The following ASAP1 variants were observed in gnomAD, a reference collection of about 807,000 sequenced individuals.
ASAP1 encodes the protein ArfGAP with SH3 domain, ankyrin repeat and PH domain 1.
Under a neutral mutation model 145.2 loss-of-function variants are expected in ASAP1, and 43 were observed. The ratio of observed to expected loss-of-function variants is 0.30; its 90% CI spans 0.23 to 0.38. ASAP1 has a LOEUF of 0.38. Among genes scored for constraint, ASAP1 ranks in the 10% least tolerant of loss-of-function variants. The pLI is 1.00. For missense variants in ASAP1, 1,018 were observed against 1,355.3 expected (o/e 0.75, Z 3.91); for synonymous variants, 546 against 515.5 (o/e 1.06, Z -0.80).
intron 2 of ASAP1, among the ~76,000 whole-genome samples, chr8:130,375,241 C>T (rs1326263960): frequency 2.0e-5 from 3 of 152,034 alleles, no homozygotes; most frequent in Non-Finnish European, 4.4e-5. Flanking sequence ...ATCCCCCAGG[C>T]GTTAGGAGGA....
intron 27 of ASAP1, among the ~76,000 whole-genome samples, chr8:130,071,011 G>GGAGAGAGAGA (rs1230151527): frequency 0.026 from 299 of 11,432 alleles, 53 homozygotes; most frequent in Admixed American, 0.05. Flanking sequence ...GGGGAGGGGG[G>GGAGAGAGAGA]GAGAGAGAGA....
intron 1 of ASAP1, among the ~76,000 whole-genome samples, chr8:130,436,122 A>G (rs1228564983): frequency 1.3e-5 from 2 of 152,220 alleles, no homozygotes; most frequent in African/African-American, 4.8e-5. Context: ...TGAAGATATA[A>G]AACACAAAAC....
intron 3 of ASAP1, among the ~76,000 whole-genome samples, chr8:130,305,774 A>C (rs1260016175): frequency 2.6e-5 from 4 of 152,198 alleles, no homozygotes; most frequent in Non-Finnish European, 5.9e-5. Context: ...CAGAAATAGA[A>C]AGTGATCTGA....
At chr8:130,296,323 T>C (rs980200586) in intron 3 of ASAP1, among the ~76,000 whole-genome samples, 1 of 152,202 alleles carries the variant, frequency 6.6e-6, no homozygotes, top group Non-Finnish European at 1.5e-5. Flanking sequence ...AGGACAGGTA[T>C]TCTCTGTTCA....
chr8:130,134,501 T>C (rs1480643053), intron 14 of ASAP1, among the ~76,000 whole-genome samples, 157 bp from the exon 15 acceptor site: 2 of 152,214 alleles, frequency 1.3e-5, no homozygotes, highest in Non-Finnish European at 2.9e-5. Context: ...TTGTGTATAT[T>C]ATTGCTAATC....
chr8:130,418,275 C>T (rs1469188956), intron 1 of ASAP1, among the ~76,000 whole-genome samples: 1 of 152,196 alleles, frequency 6.6e-6, no homozygotes, highest in East Asian at 1.9e-4. Flanking sequence ...TCAGGCCCGG[C>T]ACGGTCGCAC....
intron 13 of ASAP1, among the ~76,000 whole-genome samples, chr8:130,147,707 C>T (rs1399705664): frequency 6.6e-6 from 1 of 152,172 alleles, no homozygotes; most frequent in Non-Finnish European, 1.5e-5. Context: ...GCATTTACTG[C>T]AGATGGACTC....
intron 24 of ASAP1, among the ~76,000 whole-genome samples, chr8:130,098,785 G>C (rs2097523573): frequency 6.6e-6 from 1 of 152,092 alleles, no homozygotes; most frequent in African/African-American, 2.4e-5. Context: ...TCTTTGTGTT[G>C]TGAACATTCA....
At chr8:130,273,561 G>C (rs189750227) in intron 3 of ASAP1, among the ~76,000 whole-genome samples, 1 of 152,308 alleles carries the variant, frequency 6.6e-6, no homozygotes, top group African/African-American at 2.4e-5. Context: ...GAACCCAGGA[G>C]CTTGTATTAA....
At chr8:130,110,741 C>T (rs1261446118) in intron 24 of ASAP1, among the ~76,000 whole-genome samples, 2 of 152,150 alleles carry the variant, frequency 1.3e-5, no homozygotes, top group East Asian at 1.9e-4. Flanking sequence ...TGGGGTCTCT[C>T]TAAGAACACA....
chr8:130,259,047 G>C (rs1819739387), intron 3 of ASAP1, among the ~76,000 whole-genome samples: 1 of 151,858 alleles, frequency 6.6e-6, no homozygotes. Flanking sequence ...CTGGGGGTAA[G>C]AAGAGAACTC....
At chr8:130,268,653 A>C (rs1305679203) in intron 3 of ASAP1, among the ~76,000 whole-genome samples, 1 of 152,196 alleles carries the variant, frequency 6.6e-6, no homozygotes, top group Non-Finnish European at 1.5e-5. Flanking sequence ...ACAAAAACTA[A>C]AAAATAATAA....
At chr8:130,057,096 G>A (rs938301864) in intron 29 of ASAP1, among the ~76,000 whole-genome samples, 3 of 152,190 alleles carry the variant, frequency 2.0e-5, no homozygotes, top group African/African-American at 7.2e-5. Context: ...AAATTACGTG[G>A]AGAAGGTGTC....
chr8:130,205,382 GAAAAAA>G (rs771590453), intron 5 of ASAP1, among the ~76,000 whole-genome samples: 8 of 57,056 alleles, frequency 1.4e-4, no homozygotes, highest in Non-Finnish European at 3.0e-4. Context: ...ATCCTTATAA[GAAAAAA>G]AAAAAAAAAA....
At chr8:130,289,719 T>C (rs909859618) in intron 3 of ASAP1, among the ~76,000 whole-genome samples, 7 of 152,228 alleles carry the variant, frequency 4.6e-5, no homozygotes, top group African/African-American at 1.7e-4. Flanking sequence ...CTGAAGTATC[T>C]TACTTGTATC....
chr8:130,208,120 T>C (rs981596526), intron 5 of ASAP1, among the ~76,000 whole-genome samples: 3 of 152,212 alleles, frequency 2.0e-5, no homozygotes, highest in Admixed American at 6.5e-5. Context: ...CACCAAAAAA[T>C]TGTAAAACTA....
At chr8:130,372,412 C>A (rs1488139775) in intron 2 of ASAP1, among the ~76,000 whole-genome samples, 1 of 152,214 alleles carries the variant, frequency 6.6e-6, no homozygotes, top group Non-Finnish European at 1.5e-5. Flanking sequence ...GCCAAAGAGA[C>A]AAACAGCAAT....
chr8:130,072,825 G>GTGCGCGCGCGCGCGCA lies in ASAP1; in HGVS notation c.2701+3522_2701+3523insTGCGCGCGCGCGCGCA. Among the ~76,000 whole-genome samples the GTGCGCGCGCGCGCGCA allele has an allele frequency of 2.1e-3, 115 of 54,106 alleles. 1 individual carries two copies. Among genetic ancestry groups the GTGCGCGCGCGCGCGCA allele is most frequent in the East Asian group, 0.014 (36 of 2,486 alleles). The allele number at this position is 54,106 out of a possible 152,430, so 35.5% of individuals were successfully genotyped here. ...TGTGTGTGTGTGTGTGTGTGTGTGT[G>GTGCGCGCGCGCGCGCA]CGCGCGGGGGGGGGCAGTTTTGGGG... is the stretch of plus-strand genomic sequence containing the variant. On this transcript the variant is annotated intron_variant, in intron 27 of 29. Transcript: ENST00000518721.
intron 3 of ASAP1, among the ~76,000 whole-genome samples, chr8:130,264,638 A>G (rs1383025133): frequency 2.0e-5 from 3 of 152,218 alleles, no homozygotes; most frequent in East Asian, 1.9e-4. Context: ...CACGCACAAC[A>G]TATTTCATTT....
Sources: allele counts gnomAD v4.1 joint callset (sites outside exome capture counted in the v4.1 genomes callset), GRCh38; gene constraint gnomAD v4.1.1; transcripts MANE v1.5; gene names NCBI Gene and HGNC (gene_info 2026-07-23, HGNC 2026-07-21).